CCSER1: variants seen among roughly 807,000 people sequenced by gnomAD.
The protein encoded by CCSER1 is serine-rich coiled-coil domain-containing protein 1.
In CCSER1, 41 loss-of-function variants were observed where a neutral mutation model predicts 82.0. The ratio of observed to expected loss-of-function variants is 0.50; its 90% CI spans 0.39 to 0.65. The LOEUF (loss-of-function observed/expected upper bound fraction) is 0.65, where lower values mean the gene tolerates loss of function less well. Ranked by LOEUF, CCSER1 falls within the 30% of genes least tolerant of loss-of-function variation. CCSER1 has a pLI of 0.00. For synonymous variants in CCSER1, 414 were observed against 383.9 expected (o/e 1.08, Z -0.92); for missense variants, 1,119 against 1,064.2 (o/e 1.05, Z -0.72).
At chr4:91,365,694 G>A (rs1056177913) in intron 10 of CCSER1, among the ~76,000 whole-genome samples, 2 of 151,866 alleles carry the variant, frequency 1.3e-5, no homozygotes, top group Non-Finnish European at 2.9e-5. Context: ...AACATTTAGG[G>A]AGTCAATACT....
chr4:91,572,751 C>T (rs1056251048), intron 10 of CCSER1, among the ~76,000 whole-genome samples: 2 of 150,616 alleles, frequency 1.3e-5, no homozygotes, highest in African/African-American at 4.9e-5. Flanking sequence ...AGCTTGAGCT[C>T]AGGAGTTCAA....
intron 8 of CCSER1, among the ~76,000 whole-genome samples, chr4:90,835,258 G>A (rs1761652898): frequency 6.6e-6 from 1 of 152,180 alleles, no homozygotes; most frequent in African/African-American, 2.4e-5. Context: ...GTGAACCCGG[G>A]AGGGGGAGCT....
intron 6 of CCSER1, among the ~76,000 whole-genome samples, chr4:90,638,320 G>C (rs1279180098): frequency 6.6e-6 from 1 of 152,004 alleles, no homozygotes; most frequent in African/African-American, 2.4e-5. Context: ...ACACATTTTG[G>C]ATGGCAACAC....
intron 8 of CCSER1, among the ~76,000 whole-genome samples, chr4:90,831,773 A>G (rs745466693): frequency 5.3e-5 from 8 of 152,142 alleles, no homozygotes; most frequent in Non-Finnish European, 8.8e-5. Context: ...GGTAAAATTT[A>G]GTTTAGACTA....
In CCSER1 at chr4:91,513,432, A is replaced by G. The variant is rs112690824; in HGVS notation, c.2218-85140A>G. On this transcript the variant is annotated intron_variant, in intron 10 of 10. Coordinates refer to ENST00000509176, the MANE Select transcript of CCSER1 (RefSeq NM_001145065.2). The stretch of plus-strand genomic sequence containing the variant: ...ATTAGCCTGTGGTTTTCCTTTTCCC[A>G]TGAGTCTTTGCCAGGTTTTGATATC... Among the ~76,000 whole-genome samples, 95 of 152,086 alleles carry G rather than the reference A, an allele frequency of 6.2e-4. 1 individual carries two copies. Among genetic ancestry groups the G allele is most frequent in the African/African-American group, 2.2e-3 (91 of 41,500 alleles).
At chr4:91,583,530 A>T (rs1332375353) in intron 10 of CCSER1, among the ~76,000 whole-genome samples, 1 of 151,362 alleles carries the variant, frequency 6.6e-6, no homozygotes, top group Non-Finnish European at 1.5e-5. Context: ...TACTCTAAGG[A>T]CACACGCAGA....
intron 10 of CCSER1, among the ~76,000 whole-genome samples, chr4:91,420,239 A>C (rs1185410934): frequency 6.6e-6 from 1 of 152,134 alleles, no homozygotes; most frequent in Admixed American, 6.5e-5. Context: ...ACAGCAAAGG[A>C]AACAAAGTGA....
chr4:91,545,046 C>G (rs1345072006), intron 10 of CCSER1, among the ~76,000 whole-genome samples: 1 of 152,088 alleles, frequency 6.6e-6, no homozygotes, highest in African/African-American at 2.4e-5. Context: ...CCTCCCCCAG[C>G]CTCACTGCCA....
At chr4:90,297,662 C>T (rs1371704993) in intron 1 of CCSER1, among the ~76,000 whole-genome samples, 1 of 151,306 alleles carries the variant, frequency 6.6e-6, no homozygotes, top group African/African-American at 2.5e-5. Flanking sequence ...TTTTGAGATA[C>T]ATCCCATCAA....
In CCSER1 at chr4:91,255,536, A is replaced by G. The variant is rs184117101; in HGVS notation, c.2217+169542A>G. On this transcript the variant is annotated intron_variant, in intron 10 of 10. Transcript: ENST00000509176. ...AAAACTGAGTTCATGAGACTGAGGT[A>G]TAAATTCAGGATTCTGATTTATTCA... Among the ~76,000 whole-genome samples the G allele has an allele frequency of 1.7e-4, 26 of 152,328 alleles. No homozygotes were observed. In the East Asian group the frequency reaches 4.8e-3, roughly 28 times the overall value.
In CCSER1 at chr4:90,180,961, CTCTT is replaced by C. The variant is rs1733624107; in HGVS notation, c.-42+53134_-42+53137del. Among the ~76,000 whole-genome samples the C allele has an allele frequency of 2.0e-5, 3 of 152,144 alleles. No homozygotes were observed. In the South Asian group the frequency reaches 6.2e-4, roughly 32 times the overall value. On this transcript the variant is annotated intron_variant, in intron 1 of 10. Transcript: ENST00000509176. ...GATATGCTTATGCAAGTTATTTAGA[CTCTT>C]TCTGTCTCAATTTCTTTATATATAT...
chr4:91,454,655 G>A (rs745774125), intron 10 of CCSER1, among the ~76,000 whole-genome samples: 13 of 151,778 alleles, frequency 8.6e-5, no homozygotes, highest in African/African-American at 1.2e-4. Flanking sequence ...GTTAACTCAG[G>A]ATCTTATTTA....
chr4:91,323,876 G>A (rs1746367720), intron 10 of CCSER1, among the ~76,000 whole-genome samples: 1 of 152,144 alleles, frequency 6.6e-6, no homozygotes, highest in South Asian at 2.1e-4. Context: ...TAGAGGCTAG[G>A]AAATTTTCTT....
Position 91,496,645 on chromosome 4 carries a change from CA to C in CCSER1, c.2218-101925del, listed in dbSNP as rs1267813472. 1.5e-4 allele frequency among the ~76,000 whole-genome samples: 3 copies of C among 20,038 alleles called. 1 individual carries two copies. Among genetic ancestry groups the C allele is most frequent in the Non-Finnish European group, 2.4e-4 (2 of 8,354 alleles). The allele number at this position is 20,038 out of a possible 152,430, so 13.1% of individuals were successfully genotyped here. A position where few individuals can be genotyped will look rare whatever the true frequency, so the allele number is the denominator to read the frequency against. On this transcript the variant is annotated intron_variant, in intron 10 of 10. Coordinates refer to ENST00000509176, the MANE Select transcript of CCSER1 (RefSeq NM_001145065.2). ...ATATATATTTGAATATATATATATT[CA>C]ATATATATTGAATATATATATATTC... is the stretch of plus-strand genomic sequence containing the variant.
rs972175505 is a variant in CCSER1, at chr4:90,617,561, T to C, written c.1725-10464T>C. Reference sequence around the variant, plus strand: ...AAAGATAAGAGTCCAACCATCTTAGTGTCTGTGTCTTTGAGAAAGGAGTTA... The same window carrying C: ...AAAGATAAGAGTCCAACCATCTTAGCGTCTGTGTCTTTGAGAAAGGAGTTA... On this transcript the variant is annotated intron_variant, in intron 5 of 10. Transcript: ENST00000509176. Among the ~76,000 whole-genome samples, 4 of 152,144 alleles carry C rather than the reference T, an allele frequency of 2.6e-5. No individual in the cohort carries two copies. In the South Asian group the frequency reaches 6.2e-4, roughly 24 times the overall value.
At position 90,199,105 on chromosome 4, in the gene CCSER1, T is replaced by A. The variant is rs967884494; in HGVS notation, c.-42+71274T>A. ...TTGTAACAAGAAACCAACCCATTGCTGTACCCAGCTGGTCAGCAGTCTTTA... is the reference window on the plus strand; with the variant it reads ...TTGTAACAAGAAACCAACCCATTGCAGTACCCAGCTGGTCAGCAGTCTTTA... On this transcript the variant is annotated intron_variant, in intron 1 of 10. Coordinates refer to ENST00000509176, the MANE Select transcript of CCSER1 (RefSeq NM_001145065.2). Among the ~76,000 whole-genome samples the A allele has an allele frequency of 5.3e-5, 8 of 152,192 alleles. No homozygotes were observed. The East Asian group carries it at 1.5e-3, about 29-fold the overall frequency.
chr4:90,605,002 C>CGA (rs1784476375), intron 5 of CCSER1, among the ~76,000 whole-genome samples: 1 of 107,382 alleles, frequency 9.3e-6, no homozygotes, highest in Non-Finnish European at 1.7e-5. Context: ...GAGTGAGCTC[C>CGA]GCTTCCACGT....
intron 10 of CCSER1, among the ~76,000 whole-genome samples, chr4:91,135,486 G>A (rs1728378265): frequency 6.6e-6 from 1 of 152,188 alleles, no homozygotes; most frequent in Non-Finnish European, 1.5e-5. Flanking sequence ...TCTAGATGGT[G>A]GAATTGTTTT....
intron 4 of CCSER1, among the ~76,000 whole-genome samples, chr4:90,415,729 T>G (rs1755689848): frequency 6.6e-6 from 1 of 152,202 alleles, no homozygotes; most frequent in Non-Finnish European, 1.5e-5. Flanking sequence ...TAAAACAAGG[T>G]CCTGTTTCTA....
Sources: gnomAD v4.1 joint callset for allele counts (sites outside exome capture counted in the v4.1 genomes callset) on GRCh38, gnomAD v4.1.1 for gene constraint, MANE v1.5 for transcripts, NCBI Gene and HGNC (gene_info 2026-07-23, HGNC 2026-07-21) for gene names.